The following SLC24A4 variants were observed in gnomAD, a reference collection of about 807,000 sequenced individuals.
SLC24A4 encodes sodium/potassium/calcium exchanger 4.
Under a neutral mutation model 79.0 loss-of-function variants are expected in SLC24A4, and 53 were observed. That is an observed-to-expected ratio of 0.67 (90% CI 0.54 to 0.84). The LOEUF (loss-of-function observed/expected upper bound fraction) is 0.84. SLC24A4 is among the 40% of genes least tolerant of loss of function. SLC24A4 has a pLI of 0.00. For missense variants in SLC24A4, 731 were observed against 822.0 expected, an observed-to-expected ratio of 0.89 and a Z score of 1.35; for synonymous variants, 323 against 323.8, an observed-to-expected ratio of 1.00 and a Z score of 0.03.
intron 2 of SLC24A4, among the ~76,000 whole-genome samples, chr14:92,399,624 C>T (rs1889982657): frequency 6.6e-6 from 1 of 152,178 alleles, no homozygotes; most frequent in African/African-American, 2.4e-5. Context: ...TGTCTTCTAT[C>T]TGCCTTCACA....
intron 2 of SLC24A4, among the ~76,000 whole-genome samples, chr14:92,339,021 C>A (rs913849977): frequency 6.6e-6 from 1 of 152,210 alleles, no homozygotes; most frequent in Admixed American, 6.5e-5. Context: ...CTACTCTCTC[C>A]CTGGCTGGCC....
chr14:92,470,756 C>G (rs1894399693), intron 12 of SLC24A4, among the ~76,000 whole-genome samples: 1 of 152,122 alleles, frequency 6.6e-6, no homozygotes, highest in African/African-American at 2.4e-5. Context: ...AGGCATTGTC[C>G]CATCACCTCT....
chr14:92,391,045 G>T (rs986313434), intron 2 of SLC24A4, among the ~76,000 whole-genome samples: 2 of 152,216 alleles, frequency 1.3e-5, no homozygotes, highest in African/African-American at 4.8e-5. Flanking sequence ...AAAGGCACCT[G>T]CTGCTGGGCT....
At chr14:92,401,665 A>C (rs1452426178) in intron 2 of SLC24A4, among the ~76,000 whole-genome samples, 1 of 152,162 alleles carries the variant, frequency 6.6e-6, no homozygotes, top group Non-Finnish European at 1.5e-5. Flanking sequence ...CCTGGGTTCA[A>C]ATCGCTAATG....
Position 92,499,238 on chromosome 14 carries a change from C to T in SLC24A4, c.*5610C>T, listed in dbSNP as rs1482584172. On this transcript the variant is annotated 3_prime_UTR_variant, in exon 17 of 17. Coordinates refer to ENST00000532405, the MANE Select transcript of SLC24A4 (RefSeq NM_153646.4). ...GTGTCCAGTTGTCAAAGTTATGAAT[C>T]TTCCTCCTGCTTCTAAACAGGGCTG... 6.6e-6 allele frequency: 1 copy of T among 152,214 alleles called. No homozygotes were observed. Among genetic ancestry groups the T allele is most frequent in the Non-Finnish European group, 1.5e-5 (1 of 68,042 alleles). 9.4% of individuals were successfully genotyped at this position (152,214 alleles called of 1,614,324 possible).
intron 2 of SLC24A4, among the ~76,000 whole-genome samples, chr14:92,391,016 G>A (rs1410234700): frequency 2.0e-5 from 3 of 152,222 alleles, no homozygotes; most frequent in African/African-American, 4.8e-5. Context: ...TCCAATGGAT[G>A]GAGAGAAAGA....
intron 7 of SLC24A4, among the ~76,000 whole-genome samples, chr14:92,444,082 G>A (rs761191165): frequency 5.9e-5 from 9 of 152,024 alleles, no homozygotes; most frequent in African/African-American, 1.2e-4. Flanking sequence ...TGAATGTCAC[G>A]CAGTGGGAGC....
chr14:92,410,380 A>T (rs933780269), intron 2 of SLC24A4, among the ~76,000 whole-genome samples: 1 of 152,150 alleles, frequency 6.6e-6, no homozygotes, highest in Non-Finnish European at 1.5e-5. Flanking sequence ...GAGTCTTCTT[A>T]TGTTGCCCAG....
intron 2 of SLC24A4, among the ~76,000 whole-genome samples, chr14:92,420,796 C>T (rs955172172): frequency 6.8e-6 from 1 of 147,388 alleles, no homozygotes; most frequent in Admixed American, 6.9e-5. Flanking sequence ...AGAATACCCA[C>T]GGTGGGCATG....
intron 2 of SLC24A4, among the ~76,000 whole-genome samples, chr14:92,381,615 A>AT (rs1465570515): frequency 6.6e-6 from 1 of 152,242 alleles, no homozygotes; most frequent in Non-Finnish European, 1.5e-5. Context: ...AATTTAAAAA[A>AT]AAATTAAGGA....
At chr14:92,463,207 T>C (rs1893913518) in intron 12 of SLC24A4, among the ~76,000 whole-genome samples, 1 of 152,190 alleles carries the variant, frequency 6.6e-6, no homozygotes, top group Non-Finnish European at 1.5e-5. Context: ...CCCCATCTTC[T>C]TCAGTTTTAA....
At position 92,441,540 on chromosome 14, in the gene SLC24A4, C is replaced by T. The variant is rs777364383; in HGVS notation, c.394-549C>T. 6.6e-6 allele frequency among the ~76,000 whole-genome samples: 1 copy of T among 152,236 alleles called. No individual in the cohort carries two copies. The highest frequency in any genetic ancestry group is 1.5e-5 in the Non-Finnish European group (1 of 68,044). ...TCCAGATCCACAATGCTGACATTCTCATTGAGGCCCCCAGTACCCAAAACC... is the reference window on the plus strand; with the variant it reads ...TCCAGATCCACAATGCTGACATTCTTATTGAGGCCCCCAGTACCCAAAACC... On this transcript the variant is annotated intron_variant, in intron 4 of 16. Coordinates refer to ENST00000532405, the MANE Select transcript of SLC24A4 (RefSeq NM_153646.4). The surrounding 1 kb of genome is among the most constrained non-coding windows in gnomAD (Gnocchi z 4.6).
Position 92,442,004 on chromosome 14 carries a change from T to G in SLC24A4, c.394-85T>G, listed in dbSNP as rs577771713. 3 of 1,086,780 alleles carry G rather than the reference T, an allele frequency of 2.8e-6. No homozygotes were observed. The East Asian group carries it at 7.3e-5, about 27-fold the overall frequency. 67.3% of individuals were successfully genotyped at this position (1,086,780 alleles called of 1,614,324 possible). ...GCCTCTGGCTGCAGCACTGCTCTCC[T>G]GCATGCTCCTTGGCTGTAGAGCGTC... On this transcript the variant is annotated intron_variant, in intron 4 of 16. Transcript: ENST00000532405.
chr14:92,342,131 C>T (rs76030827), intron 2 of SLC24A4, among the ~76,000 whole-genome samples: 2 of 152,024 alleles, frequency 1.3e-5, no homozygotes, highest in African/African-American at 4.8e-5. Flanking sequence ...ATCACCAATA[C>T]CGAGAATCAC....
intron 2 of SLC24A4, among the ~76,000 whole-genome samples, chr14:92,399,223 A>G (rs150036976): frequency 1.7e-4 from 26 of 152,286 alleles, no homozygotes; most frequent in African/African-American, 6.3e-4. Context: ...CACCGAGTTA[A>G]AAATGTCACT....
intron 2 of SLC24A4, among the ~76,000 whole-genome samples, chr14:92,404,262 C>G (rs1890259105): frequency 6.6e-6 from 1 of 152,220 alleles, no homozygotes; most frequent in Non-Finnish European, 1.5e-5. Context: ...TTTTGCTCTT[C>G]CCTCACTATA....
At position 92,323,761 on chromosome 14, in the gene SLC24A4, G is replaced by C; in HGVS notation, c.-70G>C. ...GCCTGCTCCAGCCCCAGCGCCGCTC[G>C]GCCACTGATTGCACTCTGGCCGCTG... On this transcript the variant is annotated 5_prime_UTR_variant, in exon 1 of 17. Coordinates refer to ENST00000532405, the MANE Select transcript of SLC24A4 (RefSeq NM_153646.4). The surrounding 1 kb of genome is among the most constrained non-coding windows in gnomAD (Gnocchi z 4.9). 6.7e-7 allele frequency: 1 copy of C among 1,495,068 alleles called. No individual in the cohort carries two copies. The highest frequency in any genetic ancestry group is 8.9e-7 in the Non-Finnish European group (1 of 1,125,248). 92.6% of individuals were successfully genotyped at this position (1,495,068 alleles called of 1,614,324 possible). A position where few individuals can be genotyped will look rare whatever the true frequency, so the allele number is the denominator to read the frequency against.
chr14:92,392,119 G>C (rs949798619), intron 2 of SLC24A4, among the ~76,000 whole-genome samples: 40 of 151,714 alleles, frequency 2.6e-4, no homozygotes, highest in African/African-American at 9.7e-4. Flanking sequence ...GGGCCCTATT[G>C]ATGTTACTGA....
chr14:92,423,655 CAG>C (rs1891409881), intron 2 of SLC24A4, among the ~76,000 whole-genome samples: 1 of 152,158 alleles, frequency 6.6e-6, no homozygotes, highest in Non-Finnish European at 1.5e-5. Context: ...AATATTTACT[CAG>C]AGTTTACTAT....
Sources: gnomAD v4.1 joint callset for allele counts (sites outside exome capture counted in the v4.1 genomes callset) on GRCh38, gnomAD v4.1.1 for gene constraint, Gnocchi (gnomAD v3.1) non-coding constraint, MANE v1.5 for transcripts, NCBI Gene and HGNC (gene_info 2026-07-23, HGNC 2026-07-21) for gene names.